Variants in NDST3 observed in about 807,000 individuals in gnomAD.
NDST3 encodes bifunctional heparan sulfate N-deacetylase/N-sulfotransferase 3.
A neutral mutation model predicts 96.1 loss-of-function variants in NDST3; 58 were observed. The observed-to-expected ratio is 0.60, with a 90% CI of 0.49 to 0.75. The LOEUF is 0.75. Ranked by LOEUF, NDST3 falls within the 30% of genes least tolerant of loss-of-function variation. NDST3 has a pLI of 0.00. For missense variants in NDST3, 788 were observed against 1,034.2 expected (o/e 0.76, Z 3.27); for synonymous variants, 333 against 359.7 (o/e 0.93, Z 0.84).
intron 2 of NDST3, among the ~76,000 whole-genome samples, chr4:118,087,067 A>G (rs1728482624): frequency 6.6e-6 from 1 of 152,120 alleles, no homozygotes; most frequent in African/African-American, 2.4e-5. Flanking sequence ...GTTTCTAGAC[A>G]AGACAGCTTA....
chr4:118,052,819 C>G (rs1416392636), intron 1 of NDST3, among the ~76,000 whole-genome samples: 1 of 151,914 alleles, frequency 6.6e-6, no homozygotes, highest in Non-Finnish European at 1.5e-5. Context: ...AAGAAGCACT[C>G]ATGTTTCTTT....
At chr4:118,225,987 T>C (rs958588205) in intron 7 of NDST3, among the ~76,000 whole-genome samples, 5 of 151,916 alleles carry the variant, frequency 3.3e-5, no homozygotes, top group African/African-American at 9.7e-5. Flanking sequence ...TTTTAAACTG[T>C]TTTTTTGTTT....
At chr4:118,056,460 AAACT>A (rs949282371) in intron 2 of NDST3, among the ~76,000 whole-genome samples, 2 of 151,978 alleles carry the variant, frequency 1.3e-5, no homozygotes, top group African/African-American at 4.8e-5. Flanking sequence ...TATATTTTCT[AAACT>A]AACTAAATGC....
chr4:118,224,567 A>G lies in NDST3; in HGVS notation c.1616A>G (p.Asn539Ser), dbSNP rs1739751937. ...TTATATACATTTGTTAATCTGGCCA[A>G]CTTTGTGAAGAGCTGGACCAACCTG... ...LGLYTFVNLA[N>S]FVKSWTNLRL... Residue 539 changes from asparagine (N) to serine (S), a missense_variant, in exon 7 of 14, where the codon AAC (asparagine) becomes AGC (serine). Asn to Ser is a conservative substitution (Grantham distance 46). Transcript: ENST00000296499. 1.2e-6 allele frequency: 2 copies of G among 1,613,338 alleles called. No individual in the cohort carries two copies. The highest frequency in any genetic ancestry group is 2.2e-5 in the East Asian group (1 of 44,878).
At chr4:118,066,114 T>C in intron 2 of NDST3, among the ~76,000 whole-genome samples, 1 of 76,948 alleles carries the variant, frequency 1.3e-5, no homozygotes, top group East Asian at 3.4e-4. Flanking sequence ...TAATATATTT[T>C]ATATATTATA....
chr4:118,179,854 T>C (rs1438867900), intron 6 of NDST3, among the ~76,000 whole-genome samples: 2 of 152,122 alleles, frequency 1.3e-5, no homozygotes, highest in Admixed American at 6.6e-5. Context: ...GTATCCAATA[T>C]TATATAATAA....
At chr4:118,110,784 T>C (rs1560650252) in intron 3 of NDST3, among the ~76,000 whole-genome samples, 2 of 152,160 alleles carry the variant, frequency 1.3e-5, no homozygotes. Flanking sequence ...GAACTAATAT[T>C]CAACCCAGCA....
intron 6 of NDST3, among the ~76,000 whole-genome samples, chr4:118,195,580 G>A (rs1224635043): frequency 6.6e-6 from 1 of 152,166 alleles, no homozygotes; most frequent in African/African-American, 2.4e-5. Context: ...CATGAGAACA[G>A]ACTAATATGC....
intron 6 of NDST3, among the ~76,000 whole-genome samples, chr4:118,178,348 C>T (rs368895346): frequency 6.6e-6 from 1 of 151,896 alleles, no homozygotes; most frequent in Admixed American, 6.6e-5. Context: ...CCTCCTGCCC[C>T]GAATCCTTAG....
At chr4:118,150,066 T>C (rs1306341944) in intron 6 of NDST3, among the ~76,000 whole-genome samples, 8 of 151,804 alleles carry the variant, frequency 5.3e-5, no homozygotes, top group African/African-American at 1.9e-4. Flanking sequence ...ATTTATTGAT[T>C]TGCGTATATT....
chr4:118,226,157 T>A (rs1254489795), intron 7 of NDST3, among the ~76,000 whole-genome samples: 1 of 152,152 alleles, frequency 6.6e-6, no homozygotes. Context: ...TGAAATAATA[T>A]TAAAGGGTAC....
intron 1 of NDST3, among the ~76,000 whole-genome samples, chr4:118,040,875 A>T (rs1296944130): frequency 1.9e-4 from 10 of 52,530 alleles, no homozygotes; most frequent in African/African-American, 3.1e-4. Context: ...TTTTATATAT[A>T]TATATATTTA....
chr4:118,212,500 G>A (rs1014597756), intron 6 of NDST3, among the ~76,000 whole-genome samples: 40 of 152,238 alleles, frequency 2.6e-4, no homozygotes, highest in African/African-American at 8.2e-4. Flanking sequence ...TGATGGAGAC[G>A]TTGCACTCCA....
At chr4:118,066,107 TATATTTTATATATTATATATATTATATAA>T (rs1289092230) in intron 2 of NDST3, among the ~76,000 whole-genome samples, 49 of 28,954 alleles carry the variant, frequency 1.7e-3, no homozygotes, top group Middle Eastern at 0.032. Flanking sequence ...TATTATATAA[TATATTTTATATATTATATATATTATATAA>T]TATATTTTAT....
Position 118,175,357 on chromosome 4 carries a change from G to A in NDST3, c.1539+31673G>A, listed in dbSNP as rs140595945. Among the ~76,000 whole-genome samples, 612 of 151,702 alleles carry A rather than the reference G, an allele frequency of 4.0e-3. 4 individuals are homozygous for A. The highest frequency in any genetic ancestry group is 0.014 in the African/African-American group (572 of 41,340). ...TATTTTCATTCCTCTAGTAACTTAGGCCTCCTCTTACTCTCAGTTCCTTTT... is the reference window on the plus strand; with the variant it reads ...TATTTTCATTCCTCTAGTAACTTAGACCTCCTCTTACTCTCAGTTCCTTTT... On this transcript the variant is annotated intron_variant, in intron 6 of 13. Transcript: ENST00000296499.
chr4:118,242,192 A>T, intron 12 of NDST3, 43 bp downstream of exon 12: 1 of 1,357,462 alleles, frequency 7.4e-7, no homozygotes, highest in South Asian at 1.2e-5. Flanking sequence ...TTCAGCAGAG[A>T]ATTGATTTCA....
At chr4:118,055,414 G>A (rs1005642600) in intron 2 of NDST3, 2 of 165,970 alleles carry the variant, frequency 1.2e-5, no homozygotes, top group Admixed American at 6.0e-5. Flanking sequence ...ATCAATGACT[G>A]TATAAGCATA....
chr4:118,238,198 A>G (rs897896146), intron 10 of NDST3, among the ~76,000 whole-genome samples: 1 of 150,274 alleles, frequency 6.7e-6, no homozygotes, highest in Non-Finnish European at 1.5e-5. Context: ...AAAGAAAGAA[A>G]GAAAGAAAGA....
At chr4:118,122,755 G>A (rs1038379129) in intron 4 of NDST3, among the ~76,000 whole-genome samples, 1 of 152,176 alleles carries the variant, frequency 6.6e-6, no homozygotes, top group Non-Finnish European at 1.5e-5. Flanking sequence ...AGGAAATGTA[G>A]GAAGATAAAT....
Sources: gnomAD v4.1 joint callset for allele counts (sites outside exome capture counted in the v4.1 genomes callset) on GRCh38, gnomAD v4.1.1 for gene constraint, MANE v1.5 for transcripts, NCBI Gene and HGNC (gene_info 2026-07-23, HGNC 2026-07-21) for gene names.